MPRIP: variants seen among roughly 807,000 people sequenced by gnomAD.
MPRIP encodes myosin phosphatase Rho-interacting protein.
A neutral mutation model predicts 234.9 loss-of-function variants in MPRIP; 59 were observed. That is an observed-to-expected ratio of 0.25 (90% CI 0.20 to 0.31). The LOEUF (loss-of-function observed/expected upper bound fraction) is 0.31. Ranked by LOEUF, MPRIP falls within the 10% of genes least tolerant of loss-of-function variation. The probability of loss-of-function intolerance (pLI) is 1.00; values close to 1 mark genes in which losing one functional copy is unlikely to be tolerated. For synonymous variants in MPRIP, 1,144 were observed against 1,263.9 expected (o/e 0.91, Z 2.01); for missense variants, 2,436 against 3,071.0 (o/e 0.79, Z 4.89).
Position 17,138,219 on chromosome 17 carries a change from G to A in MPRIP, c.1040G>A (p.Gly347Asp), listed in dbSNP as rs527635507. The change falls in exon 7 of 24, where the codon GGC (glycine) becomes GAC (aspartate). Residue 347 changes from glycine to aspartate, a missense_variant. Gly to Asp is a moderately conservative substitution (Grantham distance 94, BLOSUM62 -1). This residue lies in a region of MPRIP where 267 missense variants were observed against 252.7 expected (regional missense o/e 1.06). Transcript: ENST00000651222. The surrounding 1 kb of genome is among the most constrained non-coding windows in gnomAD (Gnocchi z 5.8). ...ASQPPAYVDS[G>D]STRGRGTERL... ...CAGCCACCTGCCTACGTGGACTCTG[G>A]CAGCACTAGGGGGCGGGGGACAGAG... The A allele has an allele frequency of 9.8e-6, 7 of 715,378 alleles. No homozygotes were observed. Among genetic ancestry groups the A allele is most frequent in the Non-Finnish European group, 1.6e-5 (7 of 451,506 alleles). 44.3% of individuals were successfully genotyped at this position (715,378 alleles called of 1,614,324 possible).
Position 17,166,431 on chromosome 17 carries a change from A to G in MPRIP, c.4840A>G (p.Thr1614Ala). 1 of 1,304,320 alleles carries G rather than the reference A, an allele frequency of 7.7e-7. No homozygotes were observed. Among genetic ancestry groups the G allele is most frequent in the Non-Finnish European group, 1.0e-6 (1 of 988,956 alleles). The allele number at this position is 1,304,320 out of a possible 1,614,324, so 80.8% of individuals were successfully genotyped here. ...PMESAGAPVD[T>A]WARKVLVDGE... Reference sequence around the variant, plus strand: ...GGAATCTGCTGGGGCCCCCGTAGACACCTGGGCCAGGAAGGTCCTAGTGGA... The same window carrying G: ...GGAATCTGCTGGGGCCCCCGTAGACGCCTGGGCCAGGAAGGTCCTAGTGGA... The change falls in exon 16 of 24, where the codon ACC (threonine) becomes GCC (alanine). Residue 1614 changes from threonine (T) to alanine (A), a missense_variant. Around this residue, in one of 4 missense-constraint regions of MPRIP, gnomAD observed 1,998 missense variants for 2,520.3 expected, o/e 0.79. Transcript: ENST00000651222. The surrounding 1 kb of genome is among the most constrained non-coding windows in gnomAD (Gnocchi z 4.4).
In MPRIP at chr17:17,078,392, G is replaced by A. The variant is rs2089385079; in HGVS notation, c.267+316G>A. 6.6e-6 allele frequency among the ~76,000 whole-genome samples: 1 copy of A among 152,250 alleles called. No homozygotes were observed. Among genetic ancestry groups the A allele is most frequent in the Non-Finnish European group, 1.5e-5 (1 of 68,044 alleles). On this transcript the variant is annotated intron_variant, in intron 3 of 23. Coordinates refer to ENST00000651222, the MANE Select transcript of MPRIP (RefSeq NM_001364716.4). This position sits in a 1 kb window ranked among gnomAD's most constrained non-coding sequence, Gnocchi z 4.3. ...TAGGGGAAAGCAAGGGCAAAGTCCT[G>A]GATCACGTGTGCAGGCTGTGGACCT...
chr17:17,147,437 G>T (rs2045497334), intron 11 of MPRIP, 50 bp downstream of exon 11: 3 of 1,552,742 alleles, frequency 1.9e-6, no homozygotes, highest in Non-Finnish European at 2.7e-6. Flanking sequence ...GAGGGGTCCA[G>T]GCGGCATCTG....
chr17:17,077,259 T>C (rs1185620541), intron 2 of MPRIP: 2 of 152,274 alleles, frequency 1.3e-5, no homozygotes, highest in Non-Finnish European at 1.5e-5. Context: ...CAGACTCGCA[T>C]TATGGACAAG....
At position 17,164,801 on chromosome 17, in the gene MPRIP, C is replaced by T. The variant is rs1392949008; in HGVS notation, c.3210C>T (p.Ser1070=). ...AGACCCTGCAGAAGGAGAAGCTGAG[C>T]GCCACTTTCGAGGGCAGTGAGCAGG... is the stretch of plus-strand genomic sequence containing the variant. The part of the protein sequence containing the change: ...QVETLQKEKL[S]ATFEGSEQVH... Residue 1070 remains serine (S), a synonymous_variant, in exon 16 of 24, where the codon AGC becomes AGT. Coordinates refer to ENST00000651222, the MANE Select transcript of MPRIP (RefSeq NM_001364716.4). 37 of 1,304,076 alleles carry T rather than the reference C, an allele frequency of 2.8e-5. No individual in the cohort carries two copies. Among genetic ancestry groups the T allele is most frequent in the South Asian group, 3.7e-5 (3 of 81,024 alleles). The allele number at this position is 1,304,076 out of a possible 1,614,324, so 80.8% of individuals were successfully genotyped here.
At chr17:17,051,244 G>A (rs992308598) in intron 1 of MPRIP, among the ~76,000 whole-genome samples, 3 of 152,240 alleles carry the variant, frequency 2.0e-5, no homozygotes, top group Admixed American at 1.3e-4. Flanking sequence ...AACTCAGAAT[G>A]TTTAAATTGT....
intron 12 of MPRIP, among the ~76,000 whole-genome samples, chr17:17,150,673 A>G (rs1449505013): frequency 1.3e-5 from 2 of 148,646 alleles, no homozygotes; most frequent in African/African-American, 5.0e-5. Flanking sequence ...AGGTACTCAG[A>G]TGAGCAAGGC....
Position 17,136,302 on chromosome 17 carries a change from C to G in MPRIP, c.588C>G (p.Val196=). Residue 196 remains valine (V), a synonymous_variant, in exon 6 of 24, where the codon GTC becomes GTG. Transcript: ENST00000651222. ...GCAGCATCCCCAGTGCTGAGAAAGT[C>G]CCCACCACCAAGTCCACACTCTGGC... is the stretch of plus-strand genomic sequence containing the variant. ...SSSSIPSAEK[V]PTTKSTLWQE... The G allele has an allele frequency of 6.2e-7, 1 of 1,613,760 alleles. No homozygotes were observed. Among genetic ancestry groups the G allele is most frequent in the Non-Finnish European group, 8.5e-7 (1 of 1,179,878 alleles).
chr17:17,066,765 T>C (rs2089042633), intron 1 of MPRIP, among the ~76,000 whole-genome samples: 2 of 77,090 alleles, frequency 2.6e-5, no homozygotes, highest in African/African-American at 6.4e-5. Context: ...TTTTTTTTTT[T>C]TTTTGAGACA....
intron 3 of MPRIP, among the ~76,000 whole-genome samples, chr17:17,112,590 A>T (rs1031737509): frequency 6.6e-6 from 1 of 152,020 alleles, no homozygotes; most frequent in African/African-American, 2.4e-5. Flanking sequence ...TGCAGGGCTC[A>T]CTCAGGACCG....
intron 1 of MPRIP, among the ~76,000 whole-genome samples, chr17:17,061,180 A>G (rs972781125): frequency 6.6e-6 from 1 of 152,212 alleles, no homozygotes; most frequent in African/African-American, 2.4e-5. Flanking sequence ...CACAGGACAC[A>G]CAAGGTCTTG....
In MPRIP at chr17:17,150,177, G is replaced by A. The variant is rs745843889; in HGVS notation, c.1663G>A (p.Ala555Thr). Residue 555 changes from alanine (A) to threonine (T), a missense_variant, in exon 12 of 24, where the codon GCA (alanine) becomes ACA (threonine). Physicochemically the swap from Ala to Thr is moderately conservative, Grantham distance 58. Around this residue, in one of 4 missense-constraint regions of MPRIP, gnomAD observed 1,998 missense variants for 2,520.3 expected, o/e 0.79. Coordinates refer to ENST00000651222, the MANE Select transcript of MPRIP (RefSeq NM_001364716.4). ...ADLDGEIDLS[A>T]CYDVTEYPVQ... is the part of the protein sequence containing the mutation. ...CTTGGATGGAGAAATTGACTTGTCC[G>A]CATGTTACGATGTCACAGAGTATCC... 1.3e-5 allele frequency: 21 copies of A among 1,613,452 alleles called. No individual in the cohort carries two copies. Among genetic ancestry groups the A allele is most frequent in the East Asian group, 8.9e-5 (4 of 44,842 alleles).
intron 1 of MPRIP, among the ~76,000 whole-genome samples, chr17:17,074,005 C>A (rs971429646): frequency 2.0e-5 from 3 of 152,222 alleles, no homozygotes; most frequent in Non-Finnish European, 2.9e-5. Context: ...ACCTTGAGGA[C>A]CCTGCAGGCG....
intron 3 of MPRIP, among the ~76,000 whole-genome samples, chr17:17,093,487 C>T (rs975885388): frequency 1.7e-4 from 26 of 152,110 alleles, no homozygotes; most frequent in African/African-American, 5.8e-4. Context: ...TTATTTTTTC[C>T]GGGGCAGGGG....
chr17:17,079,856 GC>G lies in MPRIP; in HGVS notation c.267+1782del, dbSNP rs558833628. Among the ~76,000 whole-genome samples, 1,123 of 152,364 alleles carry G rather than the reference GC, an allele frequency of 7.4e-3. 12 individuals carry two copies. The highest frequency in any genetic ancestry group is 0.012 in the Non-Finnish European group (798 of 68,036). On this transcript the variant is annotated intron_variant, in intron 3 of 23. Coordinates refer to ENST00000651222, the MANE Select transcript of MPRIP (RefSeq NM_001364716.4). ...CTGGCACAAGTGCAGAGCACATGCT[GC>G]CTCCCAGGCACGGCTTCTGGATAAT...
Position 17,167,880 on chromosome 17 carries a change from C to T in MPRIP, c.6289C>T (p.Arg2097Cys). The stretch of plus-strand genomic sequence containing the variant: ...CCTGGAGGGCGACGCGGCCACACTG[C>T]GTGAGAAGTACCAGAGGGACTTGGA... ...KDLEGDAATL[R>C]EKYQRDLESL... Residue 2097 changes from arginine (R) to cysteine (C), a missense_variant, in exon 16 of 24, where the codon CGT becomes TGT. Physicochemically the swap from Arg to Cys is radical, Grantham distance 180. Transcript: ENST00000651222. The surrounding 1 kb of genome is among the most constrained non-coding windows in gnomAD (Gnocchi z 5.9). 1.5e-6 allele frequency: 2 copies of T among 1,304,038 alleles called. No individual in the cohort carries two copies. Among genetic ancestry groups the T allele is most frequent in the Non-Finnish European group, 2.0e-6 (2 of 988,948 alleles). 80.8% of individuals were successfully genotyped at this position (1,304,038 alleles called of 1,614,324 possible).
intron 3 of MPRIP, among the ~76,000 whole-genome samples, chr17:17,104,707 G>A (rs2090030191): frequency 6.6e-6 from 1 of 152,172 alleles, no homozygotes; most frequent in South Asian, 2.1e-4. Context: ...CCACCCACGA[G>A]GTCTCAGTGC....
At chr17:17,096,288 GGTGTGTGTGT>G (rs59748753) in intron 3 of MPRIP, among the ~76,000 whole-genome samples, 20,280 of 136,298 alleles carry the variant, frequency 0.15, 1,628 homozygotes, top group African/African-American at 0.19. Flanking sequence ...GTGTGTGCAG[GGTGTGTGTGT>G]GTGTGTGTGT....
At chr17:17,045,781 C>T (rs1295315904) in intron 1 of MPRIP, among the ~76,000 whole-genome samples, 2 of 151,646 alleles carry the variant, frequency 1.3e-5, no homozygotes, top group African/African-American at 2.4e-5. Flanking sequence ...GTGCATTTCT[C>T]AGCGACATAC....
Sources: gnomAD v4.1 joint callset for allele counts (sites outside exome capture counted in the v4.1 genomes callset) on GRCh38, gnomAD v4.1.1 for gene constraint, gnomAD v4.1.1 regional missense constraint, Gnocchi (gnomAD v3.1) non-coding constraint, MANE v1.5 for transcripts, NCBI Gene and HGNC (gene_info 2026-07-23, HGNC 2026-07-21) for gene names.